ELP4: variants seen among roughly 807,000 people sequenced by gnomAD.
The protein encoded by ELP4 is elongator complex protein 4.
Under a neutral mutation model 48.9 loss-of-function variants are expected in ELP4, and 51 were observed. The ratio of observed to expected loss-of-function variants is 1.04; its 90% confidence interval spans 0.83 to 1.32. ELP4 has a LOEUF of 1.32. Among genes scored for constraint, ELP4 ranks in the 40% most tolerant of loss-of-function variants. ELP4 has a pLI of 0.00. For missense variants in ELP4, 519 were observed against 514.6 expected (o/e 1.01, Z -0.08); for synonymous variants, 210 against 189.2 (o/e 1.11, Z -0.90).
At chr11:31,636,232 G>A (rs1164554352) in intron 7 of ELP4, among the ~76,000 whole-genome samples, 1 of 151,950 alleles carries the variant, frequency 6.6e-6, no homozygotes, top group Non-Finnish European at 1.5e-5. Flanking sequence ...GTATATGTGA[G>A]TATATGAATA....
chr11:31,726,843 A>G (rs1223010732), intron 9 of ELP4, among the ~76,000 whole-genome samples: 1 of 152,184 alleles, frequency 6.6e-6, no homozygotes, highest in Non-Finnish European at 1.5e-5. Flanking sequence ...TGATTGATGT[A>G]TTGGTTTGCA....
chr11:31,551,405 T>C (rs1297068971), intron 3 of ELP4, among the ~76,000 whole-genome samples: 1 of 152,184 alleles, frequency 6.6e-6, no homozygotes, highest in African/African-American at 2.4e-5. Context: ...AATGATTTTA[T>C]CATTCTTCAA....
At chr11:31,538,760 G>A (rs924561828) in intron 2 of ELP4, among the ~76,000 whole-genome samples, 3 of 151,712 alleles carry the variant, frequency 2.0e-5, no homozygotes, top group Non-Finnish European at 2.9e-5. Flanking sequence ...ATATTTTCAC[G>A]AGGCATAGTC....
intron 7 of ELP4, among the ~76,000 whole-genome samples, chr11:31,643,009 G>A (rs1371128721): frequency 6.6e-6 from 1 of 151,548 alleles, no homozygotes; most frequent in African/African-American, 2.4e-5. Flanking sequence ...AACAAAGAAA[G>A]GTCTTAAGTT....
chr11:31,785,811 G>T lies in ELP4; in HGVS notation c.*2287G>T, dbSNP rs757623571. 1.5e-5 allele frequency: 3 copies of T among 195,032 alleles called. No homozygotes were observed. The highest frequency in any genetic ancestry group is 2.1e-5 in the Non-Finnish European group (2 of 93,764). The allele number at this position is 195,032 out of a possible 1,614,324, so 12.1% of individuals were successfully genotyped here. A position where few individuals can be genotyped will look rare whatever the true frequency, so the allele number is the denominator to read the frequency against. On this transcript the variant is annotated 3_prime_UTR_variant, in exon 10 of 10. Coordinates refer to ENST00000640961, the MANE Select transcript of ELP4 (RefSeq NM_019040.5). Reference sequence around the variant, plus strand: ...CTTCAATAATGCTACCTTAGGTATAGACACCATTTTGATACATTATGAAAT... The same window carrying T: ...CTTCAATAATGCTACCTTAGGTATATACACCATTTTGATACATTATGAAAT...
intron 7 of ELP4, among the ~76,000 whole-genome samples, chr11:31,639,702 G>A (rs1334546095): frequency 5.3e-5 from 8 of 151,872 alleles, no homozygotes; most frequent in East Asian, 3.9e-4. Flanking sequence ...ATTTTAAATC[G>A]TCAGTAAGGA....
intron 9 of ELP4, chr11:31,653,329 CTT>C (rs1405997378): frequency 1.3e-5 from 2 of 151,602 alleles, no homozygotes; most frequent in African/African-American, 4.8e-5. Context: ...ACTGGTGACT[CTT>C]ATAAGCTATA....
chr11:31,641,321 G>A (rs190286976), intron 7 of ELP4, among the ~76,000 whole-genome samples: 1 of 151,266 alleles, frequency 6.6e-6, no homozygotes, highest in East Asian at 2.0e-4. Flanking sequence ...GAAAGAGATT[G>A]TGAAGTCTGT....
At chr11:31,512,791 GC>G (rs1380008337) in intron 1 of ELP4, among the ~76,000 whole-genome samples, 4 of 49,408 alleles carry the variant, frequency 8.1e-5, no homozygotes, top group African/African-American at 2.9e-4. Context: ...CCTGCCCTCC[GC>G]CCCCCCTCCC....
intron 2 of ELP4, among the ~76,000 whole-genome samples, chr11:31,537,554 G>T (rs1310199571): frequency 6.6e-6 from 1 of 152,202 alleles, no homozygotes; most frequent in Non-Finnish European, 1.5e-5. Flanking sequence ...ATTGGCTCAT[G>T]GTTCTGCAGG....
chr11:31,744,310 G>A (rs1021673616), intron 9 of ELP4, among the ~76,000 whole-genome samples: 3 of 152,096 alleles, frequency 2.0e-5, no homozygotes, highest in East Asian at 1.9e-4. Flanking sequence ...TTCTACCAGA[G>A]GTACAAGGAG....
At chr11:31,770,587 CTAAAAG>C (rs987359700) in intron 9 of ELP4, among the ~76,000 whole-genome samples, 2 of 144,704 alleles carry the variant, frequency 1.4e-5, no homozygotes, top group South Asian at 4.4e-4. Flanking sequence ...AAAATAGAAA[CTAAAAG>C]TAAAAGATAC....
intron 1 of ELP4, among the ~76,000 whole-genome samples, chr11:31,518,973 A>G (rs1850818324): frequency 6.6e-6 from 1 of 150,842 alleles, no homozygotes; most frequent in Non-Finnish European, 1.5e-5. Context: ...CACCACATGC[A>G]GATTATTTTT....
rs1421558138 is a variant in ELP4 at position 31,678,596 on chromosome 11, T to G, written c.1143+28375T>G. Among the ~76,000 whole-genome samples the G allele has an allele frequency of 1.3e-5, 2 of 151,846 alleles. 1 individual carries two copies. The highest frequency in any genetic ancestry group is 2.9e-5 in the Non-Finnish European group (2 of 67,982). On this transcript the variant is annotated intron_variant, in intron 9 of 9. Transcript: ENST00000640961. ...TTTCTCTGGCTTGATAACTCATTTCTTTTAGTGCTAAATAATATTGCATTG... is the reference window on the plus strand; with the variant it reads ...TTTCTCTGGCTTGATAACTCATTTCGTTTAGTGCTAAATAATATTGCATTG...
chr11:31,596,042 C>G (rs1047744733), intron 4 of ELP4, among the ~76,000 whole-genome samples: 12 of 152,150 alleles, frequency 7.9e-5, no homozygotes, highest in Admixed American at 6.5e-4. Context: ...GTTACTACCT[C>G]TTATGGCTTT....
intron 3 of ELP4, 117 bp downstream of exon 3, chr11:31,539,900 G>A (rs983852364): frequency 3.3e-5 from 24 of 732,862 alleles, no homozygotes; most frequent in Admixed American, 8.1e-5. Context: ...ATGCATTAAC[G>A]GAACCATACA....
intron 9 of ELP4, among the ~76,000 whole-genome samples, chr11:31,730,364 C>T (rs1947160422): frequency 6.6e-6 from 1 of 152,174 alleles, no homozygotes; most frequent in Non-Finnish European, 1.5e-5. Flanking sequence ...AACACACTCC[C>T]TTCAACCTCA....
chr11:31,696,915 C>T (rs1166734480), intron 9 of ELP4, among the ~76,000 whole-genome samples: 1 of 152,102 alleles, frequency 6.6e-6, no homozygotes, highest in African/African-American at 2.4e-5. Context: ...TCAGGAGACT[C>T]ATCTCACGTG....
chr11:31,660,253 A>G (rs1468583578), intron 9 of ELP4, among the ~76,000 whole-genome samples: 1 of 152,166 alleles, frequency 6.6e-6, no homozygotes, highest in Non-Finnish European at 1.5e-5. Context: ...CGGATCCATA[A>G]GAAATATTTT....
Sources: gnomAD v4.1 joint callset for allele counts (sites outside exome capture counted in the v4.1 genomes callset) on GRCh38, gnomAD v4.1.1 for gene constraint, MANE v1.5 for transcripts, NCBI Gene and HGNC (gene_info 2026-07-23, HGNC 2026-07-21) for gene names.